Variants in CSMD1 observed in about 807,000 individuals in gnomAD.
The protein encoded by CSMD1 is CUB and sushi domain-containing protein 1.
In CSMD1, 213 loss-of-function variants were observed where a neutral mutation model predicts 417.5. The observed-to-expected ratio is 0.51, with a 90% CI of 0.46 to 0.57. The LOEUF (loss-of-function observed/expected upper bound fraction) is 0.57, where lower values mean the gene tolerates loss of function less well. CSMD1 is among the 20% of genes least tolerant of loss of function. The probability of loss-of-function intolerance (pLI) is 0.00; values close to 1 mark genes in which losing one functional copy is unlikely to be tolerated. For synonymous variants in CSMD1, 2,862 were observed against 1,736.8 expected, an observed-to-expected ratio of 1.65 and a Z score of -16.11; for missense variants, 6,923 against 4,529.7, an observed-to-expected ratio of 1.53 and a Z score of -15.17.
intron 37 of CSMD1, among the ~76,000 whole-genome samples, chr8:3,168,734 G>A (rs1161465706): frequency 6.6e-6 from 1 of 152,056 alleles, no homozygotes; most frequent in East Asian, 1.9e-4. Flanking sequence ...TATCATCTGG[G>A]AAATTTAGAT....
intron 5 of CSMD1, among the ~76,000 whole-genome samples, chr8:3,936,349 G>C (rs1052052568): frequency 6.6e-6 from 1 of 152,124 alleles, no homozygotes; most frequent in African/African-American, 2.4e-5. Context: ...CCTTGTATTA[G>C]AAGACGATAC....
At chr8:4,341,816 C>G (rs1222994614) in intron 3 of CSMD1, among the ~76,000 whole-genome samples, 1 of 152,042 alleles carries the variant, frequency 6.6e-6, no homozygotes, top group Non-Finnish European at 1.5e-5. Flanking sequence ...CATGACTTAA[C>G]GAGCACATCT....
intron 5 of CSMD1, among the ~76,000 whole-genome samples, chr8:3,883,369 G>C (rs1806334468): frequency 6.6e-6 from 1 of 152,014 alleles, no homozygotes; most frequent in Admixed American, 6.6e-5. Flanking sequence ...AAGTTTTCCA[G>C]CTATCGATTT....
intron 3 of CSMD1, among the ~76,000 whole-genome samples, chr8:4,215,422 T>A (rs923917233): frequency 9.2e-5 from 14 of 152,138 alleles, no homozygotes; most frequent in Non-Finnish European, 1.9e-4. Flanking sequence ...TCTGAATCAT[T>A]AGTAACACAA....
intron 54 of CSMD1, among the ~76,000 whole-genome samples, chr8:2,992,189 ATG>A (rs1563213900): frequency 0.012 from 1,107 of 91,896 alleles, 17 homozygotes; most frequent in African/African-American, 0.093. Flanking sequence ...GAACACACAC[ATG>A]CACACATACA....
chr8:3,148,435 A>T lies in CSMD1; in HGVS notation c.6031+2962T>A, dbSNP rs547768666. On this transcript the variant is annotated intron_variant, in intron 40 of 69. Coordinates refer to ENST00000635120, the MANE Select transcript of CSMD1 (RefSeq NM_033225.6). ...TGCAGTGCTGTGGGTATAAATTAGG[A>T]ATTGAACAGGAGAATCTGACTCAGA... Among the ~76,000 whole-genome samples the T allele has an allele frequency of 2.0e-4, 31 of 152,140 alleles. 1 individual carries two copies. Among genetic ancestry groups the T allele is most frequent in the Non-Finnish European group, 3.5e-4 (24 of 68,030 alleles).
intron 5 of CSMD1, among the ~76,000 whole-genome samples, chr8:3,789,230 C>G (rs1295322797): frequency 6.6e-6 from 1 of 152,028 alleles, no homozygotes; most frequent in Non-Finnish European, 1.5e-5. Flanking sequence ...GGGCCCTCAC[C>G]AGACACAAAA....
At position 4,201,277 on chromosome 8, in the gene CSMD1, G is replaced by A. The variant is rs993492527; in HGVS notation, c.416-169178C>T. ...TTCAGGGCCGGGCGCAGTGGCTCAC[G>A]CCTGTAATCCCAGCACTTTGGGAGG... On this transcript the variant is annotated intron_variant, in intron 3 of 69. Coordinates refer to ENST00000635120, the MANE Select transcript of CSMD1 (RefSeq NM_033225.6). Among the ~76,000 whole-genome samples, 7 of 152,130 alleles carry A rather than the reference G, an allele frequency of 4.6e-5. No individual in the cohort carries two copies. In the East Asian group the frequency reaches 7.7e-4, roughly 17 times the overall value.
chr8:4,380,156 G>C (rs779926035), intron 3 of CSMD1, among the ~76,000 whole-genome samples: 25 of 152,166 alleles, frequency 1.6e-4, no homozygotes, highest in Non-Finnish European at 3.5e-4. Flanking sequence ...TCTGCCCTCA[G>C]AAGGTGGCAT....
chr8:3,294,856 A>T (rs1008271866), intron 25 of CSMD1, among the ~76,000 whole-genome samples: 6 of 152,046 alleles, frequency 3.9e-5, no homozygotes, highest in Admixed American at 3.9e-4. Flanking sequence ...GACACTCCCC[A>T]GTGAGATGTA....
At chr8:3,049,369 G>T (rs542078241) in intron 50 of CSMD1, among the ~76,000 whole-genome samples, 1 of 152,224 alleles carries the variant, frequency 6.6e-6, no homozygotes, top group African/African-American at 2.4e-5. Context: ...ATAAGCCATG[G>T]TCCATACAGA....
intron 46 of CSMD1, among the ~76,000 whole-genome samples, chr8:3,103,570 G>C (rs1051243632): frequency 4.6e-5 from 7 of 151,906 alleles, no homozygotes; most frequent in Non-Finnish European, 1.0e-4. Context: ...TCGGTGGTAG[G>C]AATTTTCAGC....
At chr8:3,759,310 G>T (rs1345543977) in intron 5 of CSMD1, among the ~76,000 whole-genome samples, 1 of 152,100 alleles carries the variant, frequency 6.6e-6, no homozygotes, top group East Asian at 1.9e-4. Flanking sequence ...TGATCCTGAG[G>T]AAAAGGACAG....
At chr8:4,454,294 C>A (rs146360074) in intron 2 of CSMD1, among the ~76,000 whole-genome samples, 2 of 152,162 alleles carry the variant, frequency 1.3e-5, no homozygotes, top group African/African-American at 4.8e-5. Flanking sequence ...TCGGTGGACA[C>A]CAGACGCAGC....
At chr8:4,778,322 C>G (rs1225663270) in intron 1 of CSMD1, among the ~76,000 whole-genome samples, 1 of 152,070 alleles carries the variant, frequency 6.6e-6, no homozygotes, top group Non-Finnish European at 1.5e-5. Context: ...TTGATGATAC[C>G]ATATGTGGCC....
chr8:3,245,920 G>T (rs1307489665), intron 26 of CSMD1, among the ~76,000 whole-genome samples: 2 of 152,152 alleles, frequency 1.3e-5, no homozygotes, highest in Non-Finnish European at 1.5e-5. Flanking sequence ...CATTCTACTT[G>T]AAAGCCTATT....
At chr8:3,220,628 C>T (rs1016328388) in intron 28 of CSMD1, among the ~76,000 whole-genome samples, 4 of 152,048 alleles carry the variant, frequency 2.6e-5, no homozygotes, top group South Asian at 2.1e-4. Context: ...GTCAGGAGTT[C>T]GAGAACAGCC....
intron 1 of CSMD1, among the ~76,000 whole-genome samples, chr8:4,985,348 G>T (rs1264147605): frequency 7.3e-6 from 1 of 137,858 alleles, no homozygotes; most frequent in African/African-American, 2.9e-5. Context: ...TTCATATCCT[G>T]CACATCTGCC....
chr8:4,691,580 C>T (rs1806772979), intron 1 of CSMD1, among the ~76,000 whole-genome samples: 1 of 152,254 alleles, frequency 6.6e-6, no homozygotes. Context: ...TGGGAAATGG[C>T]CACACTTCTC....
Sources: gnomAD v4.1 joint callset for allele counts (sites outside exome capture counted in the v4.1 genomes callset) on GRCh38, gnomAD v4.1.1 for gene constraint, MANE v1.5 for transcripts, NCBI Gene and HGNC (gene_info 2026-07-23, HGNC 2026-07-21) for gene names.